Variants in PCCB observed in about 807,000 individuals in gnomAD.
PCCB encodes propionyl-CoA carboxylase beta chain, mitochondrial.
Under a neutral mutation model 60.7 loss-of-function variants are expected in PCCB, and 43 were observed. That is an observed-to-expected ratio of 0.71 (90% CI 0.55 to 0.91). PCCB has a LOEUF of 0.91. PCCB is among the 40% of genes least tolerant of loss of function. The pLI is 0.00. For synonymous variants in PCCB, 276 were observed against 255.9 expected (o/e 1.08, Z -0.75); for missense variants, 766 against 702.8 (o/e 1.09, Z -1.02).
intron 14 of PCCB, among the ~76,000 whole-genome samples, chr3:136,329,067 A>C (rs1430192442): frequency 6.6e-6 from 1 of 152,264 alleles, no homozygotes; most frequent in Admixed American, 6.5e-5. Flanking sequence ...AACATTGCCA[A>C]AGTGTATTAA....
At chr3:136,308,951 A>G (rs1934551675) in intron 9 of PCCB, among the ~76,000 whole-genome samples, 1 of 152,170 alleles carries the variant, frequency 6.6e-6, no homozygotes, top group Admixed American at 6.6e-5. Context: ...GTTTCCTGAA[A>G]CAGTAAAAAT....
At chr3:136,321,076 C>T (rs1187103139) in intron 10 of PCCB, among the ~76,000 whole-genome samples, 1 of 152,106 alleles carries the variant, frequency 6.6e-6, no homozygotes, top group Non-Finnish European at 1.5e-5. Flanking sequence ...TTGAGATGAT[C>T]ATGTGGTTTT....
chr3:136,320,175 T>C, intron 10 of PCCB, among the ~76,000 whole-genome samples: 1 of 152,204 alleles, frequency 6.6e-6, no homozygotes, highest in East Asian at 1.9e-4. Flanking sequence ...TTTTAGGCAT[T>C]TGGGGCCCTT....
intron 11 of PCCB, 44 bp from the exon 12 acceptor site, chr3:136,327,111 A>G (rs752391884): frequency 1.5e-5 from 23 of 1,551,494 alleles, no homozygotes; most frequent in Non-Finnish European, 1.8e-5. Flanking sequence ...CAGGATAACC[A>G]TGTGAGGACT....
chr3:136,291,798 CCATG>C (rs1933705599), intron 6 of PCCB, among the ~76,000 whole-genome samples: 1 of 152,128 alleles, frequency 6.6e-6, no homozygotes, highest in South Asian at 2.1e-4. Flanking sequence ...TTTTTTTCCC[CCATG>C]CATGTCAGAA....
chr3:136,254,048 G>C (rs1299691574), intron 1 of PCCB, among the ~76,000 whole-genome samples: 10 of 151,906 alleles, frequency 6.6e-5, no homozygotes, highest in Non-Finnish European at 1.0e-4. Context: ...CCTGATTTTT[G>C]TTTGTTATTT....
rs1935487411 is a variant in PCCB at position 136,330,081 on chromosome 3, C to T, written c.*55C>T. On this transcript the variant is annotated 3_prime_UTR_variant, in exon 15 of 15. Coordinates refer to ENST00000251654, the MANE Select transcript of PCCB (RefSeq NM_000532.5). ...GAATTACTGTCTGCCCATTCACATC[C>T]CATTCCTGCCTTTTGCAATCATGAA... 1.2e-6 allele frequency: 2 copies of T among 1,612,132 alleles called. No individual in the cohort carries two copies. The highest frequency in any genetic ancestry group is 1.3e-5 in the African/African-American group (1 of 74,858).
Position 136,250,548 on chromosome 3 carries a change from A to T in PCCB, c.173A>T (p.Gln58Leu). ...LGGGQRRIDA[Q>L]HKRGKLTARE... ...GGGGGCCAACGCCGTATTGACGCGC[A>T]GCACAAGCGAGTGAGTCCTGAGGGG... is the stretch of plus-strand genomic sequence containing the variant. Residue 58 changes from glutamine (Q) to leucine (L), a missense_variant, in exon 1 of 15, where the codon CAG becomes CTG. By Grantham distance (113) the Gln-to-Leu change is moderately radical. Transcript: ENST00000251654. The T allele has an allele frequency of 6.2e-7, 1 of 1,612,160 alleles. No individual in the cohort carries two copies. The highest frequency in any genetic ancestry group is 8.5e-7 in the Non-Finnish European group (1 of 1,179,570).
chr3:136,302,171 C>CATATAAGTACTATATGTTTAGT (rs1560021373), intron 9 of PCCB, among the ~76,000 whole-genome samples: 4 of 133,076 alleles, frequency 3.0e-5, no homozygotes, highest in Admixed American at 8.2e-5. Context: ...CCCACCCCGG[C>CATATAAGTACTATATGTTTAGT]TCCTGCAAGC....
intron 1 of PCCB, among the ~76,000 whole-genome samples, chr3:136,251,627 C>G (rs1941519170): frequency 6.6e-6 from 1 of 152,122 alleles, no homozygotes; most frequent in Admixed American, 6.6e-5. Context: ...AGTGCTTTCT[C>G]TCCCCTGGGG....
chr3:136,260,131 T>G, intron 3 of PCCB: 3 of 395,382 alleles, frequency 7.6e-6, no homozygotes, highest in Non-Finnish European at 1.4e-5. Flanking sequence ...TGGAATACAG[T>G]GGTGCTGTCT....
chr3:136,305,411 C>A (rs1259111245), intron 9 of PCCB, among the ~76,000 whole-genome samples: 1 of 121,452 alleles, frequency 8.2e-6, no homozygotes, highest in Non-Finnish European at 1.8e-5. Flanking sequence ...ACTTTTAACT[C>A]AAAAAGTATT....
At chr3:136,324,440 T>A (rs573445170) in intron 10 of PCCB, among the ~76,000 whole-genome samples, 1 of 152,334 alleles carries the variant, frequency 6.6e-6, no homozygotes, top group African/African-American at 2.4e-5. Context: ...GTCTTTTATT[T>A]TGTAATAGTG....
chr3:136,282,593 C>T (rs549919161), intron 5 of PCCB, among the ~76,000 whole-genome samples: 1 of 152,206 alleles, frequency 6.6e-6, no homozygotes, highest in South Asian at 2.1e-4. Flanking sequence ...CATTTTCTCC[C>T]CCTTCATTTG....
At position 136,250,458 on chromosome 3, in the gene PCCB, T is replaced by G; in HGVS notation, c.83T>G (p.Leu28Arg). 1 of 1,609,212 alleles carries G rather than the reference T, an allele frequency of 6.2e-7. No homozygotes were observed. The highest frequency in any genetic ancestry group is 8.5e-7 in the Non-Finnish European group (1 of 1,178,018). The change falls in exon 1 of 15, where the codon CTT (leucine) becomes CGT (arginine). Residue 28 changes from leucine (L) to arginine (R), a missense_variant. Coordinates refer to ENST00000251654, the MANE Select transcript of PCCB (RefSeq NM_000532.5). Reference sequence around the variant, plus strand: ...GGTCTCCGCGCCGCGGTCCGCAGCCTTTGCAGCCAGGCCACCTCTGTTAAC... The same window carrying G: ...GGTCTCCGCGCCGCGGTCCGCAGCCGTTGCAGCCAGGCCACCTCTGTTAAC... The part of the protein sequence containing the change: ...ASGLRAAVRS[L>R]CSQATSVNER...
At chr3:136,317,765 A>C (rs942801560) in intron 10 of PCCB, among the ~76,000 whole-genome samples, 3 of 152,158 alleles carry the variant, frequency 2.0e-5, no homozygotes, top group Non-Finnish European at 4.4e-5. Flanking sequence ...TGCCAGGCAC[A>C]TAGATGGTAC....
chr3:136,260,458 T>A (rs1576405925), intron 3 of PCCB, 21 bp from the exon 4 acceptor site: 1 of 1,603,766 alleles, frequency 6.2e-7, no homozygotes, highest in East Asian at 2.2e-5. Flanking sequence ...TTTGACTTGC[T>A]GATTTGTATT....
chr3:136,308,344 C>A (rs931383513), intron 9 of PCCB, among the ~76,000 whole-genome samples: 1 of 151,702 alleles, frequency 6.6e-6, no homozygotes, highest in Non-Finnish European at 1.5e-5. Context: ...AGTGATTCTC[C>A]TGCCTCAGCT....
At chr3:136,268,085 TA>T (rs746669624) in intron 5 of PCCB, among the ~76,000 whole-genome samples, 24,585 of 93,404 alleles carry the variant, frequency 0.26, 3,181 homozygotes, top group Non-Finnish European at 0.31. Flanking sequence ...TGTGTGTGTG[TA>T]GATATATATA....
Sources: gnomAD v4.1 joint callset for allele counts (sites outside exome capture counted in the v4.1 genomes callset) on GRCh38, gnomAD v4.1.1 for gene constraint, MANE v1.5 for transcripts, NCBI Gene and HGNC (gene_info 2026-07-23, HGNC 2026-07-21) for gene names.